The following IGF1R variants were observed in gnomAD, a reference collection of about 807,000 sequenced individuals.
IGF1R encodes the protein insulin-like growth factor 1 receptor.
Under a neutral mutation model 144.6 loss-of-function variants are expected in IGF1R, and 44 were observed. The observed-to-expected ratio is 0.30, with a 90% CI of 0.24 to 0.39. The LOEUF (loss-of-function observed/expected upper bound fraction) is 0.39, where lower values mean the gene tolerates loss of function less well. IGF1R is among the 10% of genes least tolerant of loss of function. The probability of loss-of-function intolerance (pLI) is 1.00; values close to 1 mark genes in which losing one functional copy is unlikely to be tolerated. For synonymous variants in IGF1R, 795 were observed against 722.8 expected (o/e 1.10, Z -1.60); for missense variants, 1,355 against 1,833.7 (o/e 0.74, Z 4.77).
In IGF1R at chr15:98,716,237, C is replaced by T. The variant is rs4965427; in HGVS notation, c.640+8130C>T. On this transcript the variant is annotated intron_variant, in intron 2 of 20. Coordinates refer to ENST00000650285, the MANE Select transcript of IGF1R (RefSeq NM_000875.5). ...TCAAACTCTAAAATTGAGTAAGTTACTGAGGGTTTCCGTGGTCTGCTCTGA... is the reference window on the plus strand; with the variant it reads ...TCAAACTCTAAAATTGAGTAAGTTATTGAGGGTTTCCGTGGTCTGCTCTGA... Among the ~76,000 whole-genome samples the T allele has an allele frequency of 4.3e-3, 651 of 152,274 alleles. 7 individuals are homozygous for T. In the East Asian group the frequency reaches 0.043, roughly 10 times the overall value.
At chr15:98,694,536 G>A (rs1596195940) in intron 1 of IGF1R, among the ~76,000 whole-genome samples, 1 of 152,084 alleles carries the variant, frequency 6.6e-6, no homozygotes, top group Non-Finnish European at 1.5e-5. Flanking sequence ...CCAGACTCAG[G>A]GTGGGGGGGA....
At chr15:98,751,181 C>T (rs1282141379) in intron 2 of IGF1R, among the ~76,000 whole-genome samples, 1 of 152,056 alleles carries the variant, frequency 6.6e-6, no homozygotes, top group Admixed American at 6.5e-5. Context: ...AGCCTTTCAG[C>T]GACATACACT....
intron 1 of IGF1R, among the ~76,000 whole-genome samples, chr15:98,689,402 C>T (rs1304922049): frequency 6.7e-6 from 1 of 150,090 alleles, no homozygotes; most frequent in Non-Finnish European, 1.5e-5. Context: ...CCACACTTGG[C>T]TAATTTTTAT....
intron 18 of IGF1R, among the ~76,000 whole-genome samples, chr15:98,941,136 G>A (rs2016349922): frequency 6.6e-6 from 1 of 152,200 alleles, no homozygotes; most frequent in Non-Finnish European, 1.5e-5. Flanking sequence ...ACTTGGGCCA[G>A]GTGCCTTACA....
At position 98,963,770 on chromosome 15, in the gene IGF1R, C is replaced by T. The variant is rs1349142015; in HGVS notation, c.*6328C>T. 4.3e-5 allele frequency: 10 copies of T among 232,786 alleles called. No individual in the cohort carries two copies. The highest frequency in any genetic ancestry group is 1.8e-4 in the South Asian group (1 of 5,530). The allele number at this position is 232,786 out of a possible 1,614,324, so 14.4% of individuals were successfully genotyped here. On this transcript the variant is annotated 3_prime_UTR_variant, in exon 21 of 21. Coordinates refer to ENST00000650285, the MANE Select transcript of IGF1R (RefSeq NM_000875.5). ...CCCTATTTTATTTAAGGCAGAACCC[C>T]GAAGATACGTATTTCCAATACAGAA...
In IGF1R at chr15:98,751,089, CCTT is replaced by C. The variant is rs535283727; in HGVS notation, c.640+42988_640+42990del. On this transcript the variant is annotated intron_variant, in intron 2 of 20. Coordinates refer to ENST00000650285, the MANE Select transcript of IGF1R (RefSeq NM_000875.5). The stretch of plus-strand genomic sequence containing the variant: ...TACAGGCGTGAGCCATCATGCCCGG[CCTT>C]CTTCTAGATGTTTAAAACAAACACA... Among the ~76,000 whole-genome samples the C allele has an allele frequency of 1.4e-3, 212 of 152,324 alleles. 3 individuals carry two copies. The highest frequency in any genetic ancestry group is 4.8e-3 in the African/African-American group (198 of 41,564).
intron 2 of IGF1R, among the ~76,000 whole-genome samples, chr15:98,826,252 A>G (rs2056893213): frequency 6.6e-6 from 1 of 152,240 alleles, no homozygotes; most frequent in South Asian, 2.1e-4. Flanking sequence ...AATATTTAAA[A>G]ACCAAACTAA....
chr15:98,793,606 A>G (rs540537640), intron 2 of IGF1R, among the ~76,000 whole-genome samples: 3 of 152,218 alleles, frequency 2.0e-5, no homozygotes, highest in African/African-American at 7.2e-5. Context: ...AGATGTTGTT[A>G]TTTTGACAGA....
intron 1 of IGF1R, among the ~76,000 whole-genome samples, chr15:98,652,417 G>T (rs2141162394): frequency 6.6e-6 from 1 of 152,332 alleles, no homozygotes; most frequent in South Asian, 2.1e-4. Flanking sequence ...ACCAGAAGGA[G>T]AACCCAGAAA....
rs1392231254 is a variant in IGF1R, at chr15:98,911,445, A to C, written c.1589+4A>C. On this transcript the variant is annotated splice_donor_region_variant and intron_variant, in intron 7 of 20. Transcript: ENST00000650285. ...TCACCGTTTACTACAAGGAAGCGTG[A>C]GTTTCTGCTTTGGGTGATGCCATTC... The C allele has an allele frequency of 1.2e-6, 2 of 1,614,158 alleles. No individual in the cohort carries two copies. The highest frequency in any genetic ancestry group is 1.7e-5 in the Admixed American group (1 of 60,024).
At chr15:98,685,544 C>T (rs28689671) in intron 1 of IGF1R, among the ~76,000 whole-genome samples, 20,248 of 152,210 alleles carry the variant, frequency 0.13, 2,739 homozygotes, top group African/African-American at 0.35. Flanking sequence ...GCACCTCTTC[C>T]TCTGTGTCCC....
At chr15:98,896,612 A>G (rs760900411) in intron 3 of IGF1R, 145 bp from the exon 4 acceptor site, 41 of 807,504 alleles carry the variant, frequency 5.1e-5, no homozygotes, top group Non-Finnish European at 7.2e-5. Context: ...GTGAGATACC[A>G]TGTGACCACA....
At chr15:98,854,965 C>G (rs1220204751) in intron 2 of IGF1R, among the ~76,000 whole-genome samples, 2 of 151,704 alleles carry the variant, frequency 1.3e-5, no homozygotes, top group Admixed American at 6.6e-5. Flanking sequence ...ATGTGGAGTA[C>G]CTTACCCTGC....
chr15:98,761,146 T>G (rs2055285666), intron 2 of IGF1R, among the ~76,000 whole-genome samples: 1 of 152,234 alleles, frequency 6.6e-6, no homozygotes, highest in South Asian at 2.1e-4. Flanking sequence ...CAACCCTGGC[T>G]CTGAGTTCCA....
Position 98,957,353 on chromosome 15 carries a change from A to C in IGF1R, c.4015A>C (p.Ser1339Arg). 6.2e-7 allele frequency: 1 copy of C among 1,612,218 alleles called. No homozygotes were observed. The highest frequency in any genetic ancestry group is 8.5e-7 in the Non-Finnish European group (1 of 1,178,830). The stretch of plus-strand genomic sequence containing the variant: ...CCCTGGGGTGCTGGTCCTCCGCGCC[A>C]GCTTCGACGAGAGACAGCCTTACGC... The part of the protein sequence containing the change: ...PGPGVLVLRA[S>R]FDERQPYAHM... Residue 1339 changes from serine (S) to arginine (R), a missense_variant, in exon 21 of 21, where the codon AGC (serine) becomes CGC (arginine). Around this residue, in one of 7 missense-constraint regions of IGF1R, gnomAD observed 219 missense variants for 188.8 expected, o/e 1.16. Coordinates refer to ENST00000650285, the MANE Select transcript of IGF1R (RefSeq NM_000875.5).
chr15:98,714,492 A>G (rs1385349931), intron 2 of IGF1R, among the ~76,000 whole-genome samples: 1 of 152,100 alleles, frequency 6.6e-6, no homozygotes, highest in East Asian at 1.9e-4. Context: ...AAAAAATTTA[A>G]ATAATTAGCT....
At chr15:98,937,579 T>C (rs2016203183) in intron 17 of IGF1R, among the ~76,000 whole-genome samples, 1 of 152,238 alleles carries the variant, frequency 6.6e-6, no homozygotes, top group Admixed American at 6.5e-5. Flanking sequence ...AGTTTCATTA[T>C]ATTCAACCTG....
chr15:98,878,673 A>AC (rs1259374641), intron 2 of IGF1R, among the ~76,000 whole-genome samples: 1 of 84,806 alleles, frequency 1.2e-5, no homozygotes, highest in African/African-American at 3.6e-5. Flanking sequence ...CAAAAAAAAA[A>AC]AAAAAAAAAA....
At chr15:98,913,990 A>G (rs2015132514) in intron 8 of IGF1R, among the ~76,000 whole-genome samples, 3 of 152,236 alleles carry the variant, frequency 2.0e-5, no homozygotes, top group Non-Finnish European at 2.9e-5. Context: ...TATAAGCAAT[A>G]GAAATGTATT....
Sources: gnomAD v4.1 joint callset for allele counts (sites outside exome capture counted in the v4.1 genomes callset) on GRCh38, gnomAD v4.1.1 for gene constraint, gnomAD v4.1.1 regional missense constraint, MANE v1.5 for transcripts, NCBI Gene and HGNC (gene_info 2026-07-23, HGNC 2026-07-21) for gene names.